The following PARP10 variants were observed in gnomAD, a reference collection of about 807,000 sequenced individuals.
PARP10 encodes poly(ADP-ribose) polymerase family member 10.
In PARP10, 56 loss-of-function variants were observed where a neutral mutation model predicts 82.4. That is an observed-to-expected ratio of 0.68 (90% CI 0.55 to 0.85). The LOEUF (loss-of-function observed/expected upper bound fraction) is 0.85, where lower values mean the gene tolerates loss of function less well. Among genes scored for constraint, PARP10 ranks in the 40% least tolerant of loss-of-function variants. PARP10 has a pLI of 0.00. For missense variants in PARP10, 1,227 were observed against 1,379.4 expected (o/e 0.89, Z 1.75); for synonymous variants, 576 against 601.1 (o/e 0.96, Z 0.61).
At chr8:143,987,978 A>G (rs1228340067), upstream of PARP10, among the ~76,000 whole-genome samples, 3 of 149,496 alleles carry the variant, frequency 2.0e-5, no homozygotes, top group Non-Finnish European at 4.4e-5. Context: ...CTCTGGCCCC[A>G]TGCCCCCTGC....
At chr8:144,000,641 A>G (rs908650564) in intron 1 of PARP10, among the ~76,000 whole-genome samples, 1 of 152,168 alleles carries the variant, frequency 6.6e-6, no homozygotes, top group Non-Finnish European at 1.5e-5. Flanking sequence ...AAAACAAACA[A>G]TAAACTAATA....
At chr8:143,981,175 GGATAT>G (rs1191320214) in intron 9 of PARP10, among the ~76,000 whole-genome samples, 1 of 150,990 alleles carries the variant, frequency 6.6e-6, no homozygotes, top group Non-Finnish European at 1.5e-5. Context: ...AAAACCACCA[GGATAT>G]GAGGTCAGTG....
intron 1 of PARP10, among the ~76,000 whole-genome samples, chr8:143,996,246 A>C (rs1834164385): frequency 6.6e-6 from 1 of 152,252 alleles, no homozygotes; most frequent in African/African-American, 2.4e-5. Context: ...TAAATAAAGG[A>C]ATTTATTTCT....
At chr8:143,993,723 G>A (rs781903170), upstream of PARP10, among the ~76,000 whole-genome samples, 5 of 152,182 alleles carry the variant, frequency 3.3e-5, no homozygotes, top group African/African-American at 7.2e-5. Flanking sequence ...CTGTCGCCTG[G>A]GCCAGCGGCA....
At chr8:144,005,954 C>G (rs572765015) in intron 1 of PARP10, among the ~76,000 whole-genome samples, 4 of 152,344 alleles carry the variant, frequency 2.6e-5, no homozygotes, top group African/African-American at 9.6e-5. Flanking sequence ...AGAATGTCAG[C>G]TCCAGAGCCT....
At chr8:143,986,569 ACC>A (rs1480753913), upstream of PARP10, 2 of 739,668 alleles carry the variant, frequency 2.7e-6, no homozygotes, top group Non-Finnish European at 4.4e-6. Context: ...CCCCCAGCTG[ACC>A]AGGAGGTATT....
chr8:143,993,230 G>A (rs373972536), upstream of PARP10: 331 of 256,396 alleles, frequency 1.3e-3, 5 homozygotes, highest in South Asian at 0.015. Context: ...CCCCAGCCTG[G>A]CGTAGAGCAC....
rs139271648 is a variant in PARP10 at position 143,983,001 on chromosome 8, C to G, written c.2487G>C (p.Glu829Asp). The G allele has an allele frequency of 1.0e-4, 165 of 1,613,962 alleles. No individual in the cohort carries two copies. The highest frequency in any genetic ancestry group is 8.5e-4 in the Admixed American group (51 of 60,028). Residue 829 changes from glutamate to aspartate, a missense_variant, in exon 9 of 11, where the codon GAG (glutamate) becomes GAC (aspartate). By Grantham distance (45) the Glu-to-Asp change is conservative (BLOSUM62 2). Coordinates refer to ENST00000313028, the MANE Select transcript of PARP10 (RefSeq NM_032789.5). ...NLERLAENTGEFQEVVRAFYD... is the reference protein window; with the variant it reads ...NLERLAENTGDFQEVVRAFYD... Reference sequence around the variant, plus strand: ...AGAAGGCCCGCACCACCTCCTGGAACTCCCCGGTGTTCTCTGCCAGACGCT... The same window carrying G: ...AGAAGGCCCGCACCACCTCCTGGAAGTCCCCGGTGTTCTCTGCCAGACGCT...
Position 144,011,465 on chromosome 8 carries a change from A to G in PARP10, c.-80+1065T>C, listed in dbSNP as rs1345467581. Reference sequence around the variant, plus strand: ...CCCTTCCTCATTCCCACATTCTACCAGGAGTCTGTCCTCTGGCCTGTACCT... The same window carrying G: ...CCCTTCCTCATTCCCACATTCTACCGGGAGTCTGTCCTCTGGCCTGTACCT... On this transcript the variant is annotated intron_variant, in intron 1 of 3. Transcript: ENST00000530478. The surrounding 1 kb of genome is among the most constrained non-coding windows in gnomAD (Gnocchi z 4.5). Among the ~76,000 whole-genome samples, 2 of 152,166 alleles carry G rather than the reference A, an allele frequency of 1.3e-5. No individual in the cohort carries two copies. The highest frequency in any genetic ancestry group is 6.5e-5 in the Admixed American group (1 of 15,274).
At chr8:144,003,862 C>T (rs1330459675) in intron 1 of PARP10, among the ~76,000 whole-genome samples, 1 of 142,144 alleles carries the variant, frequency 7.0e-6, no homozygotes, top group African/African-American at 2.6e-5. Flanking sequence ...CCCATCTCTA[C>T]AAAAAAAAAA....
At chr8:144,012,044 G>A (rs912806408) in intron 1 of PARP10, among the ~76,000 whole-genome samples, 5 of 152,216 alleles carry the variant, frequency 3.3e-5, no homozygotes, top group Non-Finnish European at 5.9e-5. Flanking sequence ...ATTGTGCCAA[G>A]CCCTGTGCTG....
intron 1 of PARP10, among the ~76,000 whole-genome samples, chr8:144,007,149 C>A (rs1042725646): frequency 6.6e-6 from 1 of 152,224 alleles, no homozygotes; most frequent in Non-Finnish European, 1.5e-5. Flanking sequence ...CTGTCCCTGG[C>A]TTTTAGTCCC....
intron 1 of PARP10, among the ~76,000 whole-genome samples, chr8:144,000,872 C>A (rs1421604037): frequency 2.0e-5 from 3 of 151,422 alleles, no homozygotes; most frequent in Non-Finnish European, 4.4e-5. Context: ...CGTGGTGAGA[C>A]CTCATCTCTA....
intron 7 of PARP10, 70 bp from the exon 8 acceptor site, chr8:143,983,881 G>A: frequency 6.6e-7 from 1 of 1,518,902 alleles, no homozygotes; most frequent in Non-Finnish European, 8.8e-7. Flanking sequence ...GAAAGATGGG[G>A]AGCAAGTTTT....
At chr8:143,978,122 C>A (rs1554746884) in intron 9 of PARP10, 41 bp from the exon 10 acceptor site, 3 of 1,454,190 alleles carry the variant, frequency 2.1e-6, no homozygotes, top group African/African-American at 1.4e-5. Context: ...ACCCTCCCTA[C>A]GCCCTGGGGC....
chr8:144,002,303 AC>A (rs1554751745), intron 1 of PARP10, among the ~76,000 whole-genome samples: 1 of 152,178 alleles, frequency 6.6e-6, no homozygotes, highest in Non-Finnish European at 1.5e-5. Context: ...AGTATCAGCT[AC>A]TCAGCAAGCT....
At chr8:144,002,894 T>C (rs932050370) in intron 1 of PARP10, among the ~76,000 whole-genome samples, 4 of 152,138 alleles carry the variant, frequency 2.6e-5, no homozygotes, top group Non-Finnish European at 5.9e-5. Flanking sequence ...CTAGGGAATA[T>C]AGCTAGACCC....
upstream of PARP10, chr8:143,992,503 G>A (rs1554750718): frequency 2.5e-6 from 4 of 1,614,146 alleles, no homozygotes; most frequent in South Asian, 1.1e-5. Context: ...GCGTGCTCCT[G>A]GTGAGCATGG....
upstream of PARP10, among the ~76,000 whole-genome samples, chr8:143,988,181 G>A (rs151127485): frequency 8.3e-6 from 1 of 120,212 alleles, no homozygotes; most frequent in Non-Finnish European, 1.8e-5. Flanking sequence ...ACGGAGTTTC[G>A]CCCTTTCACC....
Sources: allele counts gnomAD v4.1 joint callset (sites outside exome capture counted in the v4.1 genomes callset), GRCh38; gene constraint gnomAD v4.1.1; non-coding constraint Gnocchi (gnomAD v3.1); transcripts MANE v1.5; gene names NCBI Gene and HGNC (gene_info 2026-07-23, HGNC 2026-07-21).